Variants in LRP1B observed in about 807,000 individuals in gnomAD.
The protein encoded by LRP1B is LDL receptor related protein 1B, also known as low-density lipoprotein receptor-related protein 1B.
A neutral mutation model predicts 556.6 loss-of-function variants in LRP1B; 217 were observed. That is an observed-to-expected ratio of 0.39 (90% confidence interval 0.35 to 0.44). The LOEUF (loss-of-function observed/expected upper bound fraction) is 0.44, where lower values mean the gene tolerates loss of function less well. Among genes scored for constraint, LRP1B ranks in the 20% least tolerant of loss-of-function variants. LRP1B has a pLI of 1.00. For missense variants in LRP1B, 5,053 were observed against 5,620.8 expected (o/e 0.90, Z 3.23); for synonymous variants, 2,047 against 1,865.8 (o/e 1.10, Z -2.50).
At position 141,229,484 on chromosome 2, in the gene LRP1B, A is replaced by G. The variant is rs957056298; in HGVS notation, c.593-44T>C. On this transcript the variant is annotated intron_variant, in intron 5 of 90. Coordinates refer to ENST00000389484, the MANE Select transcript of LRP1B (RefSeq NM_018557.3). Reference sequence around the variant, plus strand: ...AGAGAAGTAAATTCAGTAAGAGTCAAGATTATTTTACAGTTTTGCCCTAGT... The same window carrying G: ...AGAGAAGTAAATTCAGTAAGAGTCAGGATTATTTTACAGTTTTGCCCTAGT... 2.2e-6 allele frequency: 3 copies of G among 1,376,642 alleles called. No individual in the cohort carries two copies. The Admixed American group carries it at 6.6e-5, about 30-fold the overall frequency. 85.3% of individuals were successfully genotyped at this position (1,376,642 alleles called of 1,614,324 possible).
intron 41 of LRP1B, among the ~76,000 whole-genome samples, chr2:140,696,839 C>G (rs1686446252): frequency 6.6e-6 from 1 of 152,180 alleles, no homozygotes; most frequent in Admixed American, 6.6e-5. Context: ...TATCTTCCAT[C>G]AAACCAGTTC....
At chr2:141,058,303 T>A (rs1053214051) in intron 9 of LRP1B, among the ~76,000 whole-genome samples, 2 of 151,842 alleles carry the variant, frequency 1.3e-5, no homozygotes, top group Non-Finnish European at 2.9e-5. Context: ...CAGTAAAAAT[T>A]TTTGCTGGTG....
intron 41 of LRP1B, among the ~76,000 whole-genome samples, chr2:140,616,920 A>C (rs950917558): frequency 6.6e-6 from 1 of 151,898 alleles, no homozygotes; most frequent in Non-Finnish European, 1.5e-5. Context: ...TACTCAGTGA[A>C]AACAAAAAGA....
intron 25 of LRP1B, among the ~76,000 whole-genome samples, chr2:140,880,364 T>C (rs1317510481): frequency 6.6e-6 from 1 of 152,102 alleles, no homozygotes; most frequent in Non-Finnish European, 1.5e-5. Context: ...TCATGGTCTC[T>C]TTCAGGTCAC....
chr2:140,303,643 AAT>A (rs1285512649), intron 83 of LRP1B, among the ~76,000 whole-genome samples: 1 of 152,078 alleles, frequency 6.6e-6, no homozygotes, highest in African/African-American at 2.4e-5. Context: ...TTCTATAAAA[AAT>A]ATTATTTTTT....
At chr2:141,094,253 A>T (rs895661535) in intron 7 of LRP1B, among the ~76,000 whole-genome samples, 1 of 152,172 alleles carries the variant, frequency 6.6e-6, no homozygotes, top group Non-Finnish European at 1.5e-5. Flanking sequence ...CATTTTGTTT[A>T]TTCTAAAAAT....
chr2:141,431,006 G>A (rs1364393212), intron 3 of LRP1B, among the ~76,000 whole-genome samples: 2 of 151,870 alleles, frequency 1.3e-5, no homozygotes, highest in East Asian at 1.9e-4. Flanking sequence ...GCATGGTGCC[G>A]TGTGCCTATA....
intron 2 of LRP1B, among the ~76,000 whole-genome samples, chr2:141,779,674 T>A (rs1015191764): frequency 6.6e-6 from 1 of 152,128 alleles, no homozygotes; most frequent in Non-Finnish European, 1.5e-5. Flanking sequence ...TACATACTTT[T>A]CATATATCCT....
chr2:140,392,636 T>C (rs978952820), intron 66 of LRP1B, among the ~76,000 whole-genome samples: 3 of 152,050 alleles, frequency 2.0e-5, no homozygotes, highest in African/African-American at 7.2e-5. Flanking sequence ...TACAGGCATG[T>C]GCTACCACAC....
At chr2:141,984,101 C>T (rs1237908094) in intron 1 of LRP1B, among the ~76,000 whole-genome samples, 3 of 152,072 alleles carry the variant, frequency 2.0e-5, no homozygotes, top group Admixed American at 6.6e-5. Flanking sequence ...TTAGTCCAGC[C>T]TGCTGGAGTG....
chr2:141,853,517 A>G (rs566423433), intron 1 of LRP1B, among the ~76,000 whole-genome samples: 256 of 151,894 alleles, frequency 1.7e-3, no homozygotes, highest in African/African-American at 5.6e-3. Context: ...TTTGAAGTGT[A>G]TATGTATGTT....
chr2:141,754,684 C>T (rs1294029559), intron 2 of LRP1B, among the ~76,000 whole-genome samples: 1 of 152,046 alleles, frequency 6.6e-6, no homozygotes, highest in Non-Finnish European at 1.5e-5. Context: ...TTTAGTGGTG[C>T]TAAATATGAC....
intron 3 of LRP1B, among the ~76,000 whole-genome samples, chr2:141,351,121 C>T (rs566765799): frequency 6.6e-5 from 10 of 152,070 alleles, no homozygotes; most frequent in African/African-American, 2.2e-4. Context: ...TTCATTATAG[C>T]TAATCTGACC....
intron 66 of LRP1B, among the ~76,000 whole-genome samples, chr2:140,397,707 A>T (rs1300191981): frequency 6.6e-6 from 1 of 152,120 alleles, no homozygotes; most frequent in Non-Finnish European, 1.5e-5. Context: ...ACCTTAAACA[A>T]TTATCTACAG....
chr2:141,746,202 C>T (rs2105555370), intron 2 of LRP1B, among the ~76,000 whole-genome samples: 1 of 152,214 alleles, frequency 6.6e-6, no homozygotes, highest in African/African-American at 2.4e-5. Flanking sequence ...AAGCCCAGCT[C>T]AGCACTAGGA....
intron 7 of LRP1B, among the ~76,000 whole-genome samples, chr2:141,186,010 C>G (rs1312917922): frequency 7.7e-6 from 1 of 129,512 alleles, no homozygotes; most frequent in Non-Finnish European, 1.5e-5. Context: ...ACCCTGGAGG[C>G]AGAGGTTGCA....
At chr2:141,361,489 GA>G in intron 3 of LRP1B, among the ~76,000 whole-genome samples, 2 of 151,936 alleles carry the variant, frequency 1.3e-5, no homozygotes, top group Middle Eastern at 3.4e-3. Flanking sequence ...ATCTCCTTAG[GA>G]AAAAAATATG....
chr2:141,239,348 G>A (rs1440056985), intron 5 of LRP1B, among the ~76,000 whole-genome samples: 1 of 152,100 alleles, frequency 6.6e-6, no homozygotes, highest in Non-Finnish European at 1.5e-5. Context: ...CGATTAAAGA[G>A]CAGAGCAAAG....
chr2:140,423,454 A>C (rs1231748544), intron 66 of LRP1B, among the ~76,000 whole-genome samples: 3 of 152,198 alleles, frequency 2.0e-5, no homozygotes, highest in Non-Finnish European at 4.4e-5. Context: ...TATTGAAAGC[A>C]TACTAAGTAT....
Sources: allele counts gnomAD v4.1 joint callset (sites outside exome capture counted in the v4.1 genomes callset), GRCh38; gene constraint gnomAD v4.1.1; transcripts MANE v1.5; gene names NCBI Gene and HGNC (gene_info 2026-07-23, HGNC 2026-07-21).